Variants in TBC1D4 observed in about 807,000 individuals in gnomAD.
TBC1D4 encodes the protein TBC1 domain family member 4, also known as TBC (Tre-2, BUB2, CDC16) domain-containing protein.
TBC1D4 carries 121 observed loss-of-function variants against 142.5 expected under a neutral mutation model. That is an observed-to-expected ratio of 0.85 (90% CI 0.73 to 0.99). The LOEUF (loss-of-function observed/expected upper bound fraction) is 0.99. Ranked by LOEUF, TBC1D4 falls within the 50% of genes least tolerant of loss-of-function variation. The pLI, the probability that TBC1D4 is intolerant of heterozygous loss-of-function variation, is 0.00. For synonymous variants in TBC1D4, 630 were observed against 628.2 expected (o/e 1.00, Z -0.04); for missense variants, 1,475 against 1,606.6 (o/e 0.92, Z 1.40).
intron 10 of TBC1D4, 107 bp from the exon 11 acceptor site, chr13:75,324,508 C>T (rs1879056939): frequency 1.4e-5 from 19 of 1,338,050 alleles, no homozygotes; most frequent in Non-Finnish European, 2.0e-5. Flanking sequence ...TTTAATCTTT[C>T]CTTTCAAGGC....
chr13:75,450,946 AG>A (rs762854926), intron 1 of TBC1D4, among the ~76,000 whole-genome samples: 6 of 152,226 alleles, frequency 3.9e-5, no homozygotes, highest in Non-Finnish European at 8.8e-5. Context: ...TCCTATCAAT[AG>A]GAAGAGTCCA....
chr13:75,303,441 T>A (rs1031353914), intron 15 of TBC1D4, among the ~76,000 whole-genome samples: 2 of 152,234 alleles, frequency 1.3e-5, no homozygotes, highest in Non-Finnish European at 2.9e-5. Flanking sequence ...TCTAGTATGC[T>A]TGAACACCAA....
intron 1 of TBC1D4, among the ~76,000 whole-genome samples, chr13:75,412,466 T>TTTTTTTA (rs1885718860): frequency 6.6e-6 from 1 of 151,854 alleles, no homozygotes; most frequent in African/African-American, 2.4e-5. Flanking sequence ...ACACGGTTAT[T>TTTTTTTA]TTTTTTATTT....
intron 1 of TBC1D4, among the ~76,000 whole-genome samples, chr13:75,437,661 T>C (rs1886857903): frequency 6.6e-6 from 1 of 152,098 alleles, no homozygotes; most frequent in South Asian, 2.1e-4. Flanking sequence ...GATATACAGT[T>C]TTTCAGATTT....
chr13:75,345,408 AG>A (rs1431889426), intron 5 of TBC1D4, among the ~76,000 whole-genome samples: 1 of 152,202 alleles, frequency 6.6e-6, no homozygotes, highest in Non-Finnish European at 1.5e-5. Context: ...AAATCCTATC[AG>A]AGAGTGTGAT....
intron 5 of TBC1D4, among the ~76,000 whole-genome samples, chr13:75,347,980 T>A (rs1393223092): frequency 6.6e-6 from 1 of 151,964 alleles, no homozygotes; most frequent in Non-Finnish European, 1.5e-5. Flanking sequence ...TACAAAAAAT[T>A]TTTTAAAAAA....
intron 7 of TBC1D4, 44 bp downstream of exon 7, chr13:75,341,077 ATTAT>A (rs759752399): frequency 6.4e-7 from 1 of 1,559,586 alleles, no homozygotes; most frequent in Non-Finnish European, 8.8e-7. Flanking sequence ...AATTAACAAA[ATTAT>A]TAAACAACAA....
intron 1 of TBC1D4, among the ~76,000 whole-genome samples, chr13:75,441,762 A>C (rs1324948436): frequency 6.6e-6 from 1 of 152,208 alleles, no homozygotes; most frequent in African/African-American, 2.4e-5. Context: ...AGCCTTCCCC[A>C]GTCCTGCCAG....
chr13:75,351,148 C>T (rs1369354147), intron 4 of TBC1D4, among the ~76,000 whole-genome samples: 2 of 152,094 alleles, frequency 1.3e-5, no homozygotes, highest in Non-Finnish European at 2.9e-5. Context: ...CAGCAAAAAA[C>T]ATAAGATAGG....
chr13:75,313,382 C>T (rs547182145), intron 12 of TBC1D4, among the ~76,000 whole-genome samples: 1 of 152,310 alleles, frequency 6.6e-6, no homozygotes, highest in South Asian at 2.1e-4. Flanking sequence ...CAGCTACCAA[C>T]AGTTGAATCA....
chr13:75,294,030 G>A (rs1035331866), intron 18 of TBC1D4, among the ~76,000 whole-genome samples: 1 of 152,154 alleles, frequency 6.6e-6, no homozygotes, highest in Non-Finnish European at 1.5e-5. Context: ...TAAAAATTAA[G>A]GGAGCCCTTT....
At position 75,481,710 on chromosome 13, in the gene TBC1D4, G is replaced by A. The variant is rs759756870; in HGVS notation, c.58C>T (p.Pro20Ser). Reference protein sequence around the residue: ...EPFPHPLEPEPGVSAQPGPGK... With the variant: ...EPFPHPLEPESGVSAQPGPGK... Reference sequence around the variant, plus strand: ...GGGCCGGGCTGAGCTGAGACGCCCGGCTCGGGCTCCAGGGGGTGCGGGAAC... The same window carrying A: ...GGGCCGGGCTGAGCTGAGACGCCCGACTCGGGCTCCAGGGGGTGCGGGAAC... Residue 20 changes from proline (P) to serine (S), a missense_variant, in exon 1 of 21, where the codon CCG becomes TCG. Physicochemically the swap from Pro to Ser is moderately conservative, Grantham distance 74 (BLOSUM62 -1). This residue lies in a region of TBC1D4 where 1,227 missense variants were observed against 1,267.7 expected (regional missense o/e 0.97). Transcript: ENST00000377636. 1.9e-6 allele frequency: 3 copies of A among 1,596,204 alleles called. No homozygotes were observed. The highest frequency in any genetic ancestry group is 1.8e-5 in the Admixed American group (1 of 56,640).
intron 12 of TBC1D4, among the ~76,000 whole-genome samples, chr13:75,315,902 AC>A (rs1460618230): frequency 6.6e-6 from 1 of 152,204 alleles, no homozygotes; most frequent in Non-Finnish European, 1.5e-5. Flanking sequence ...TTAATAAACA[AC>A]AAAAAGCATA....
chr13:75,424,719 G>A (rs1292300859), intron 1 of TBC1D4, among the ~76,000 whole-genome samples: 1 of 152,116 alleles, frequency 6.6e-6, no homozygotes, highest in Non-Finnish European at 1.5e-5. Flanking sequence ...CCACACTTAT[G>A]GTCAGTTAAT....
intron 8 of TBC1D4, among the ~76,000 whole-genome samples, chr13:75,329,627 C>A (rs533117557): frequency 6.6e-6 from 1 of 152,262 alleles, no homozygotes; most frequent in South Asian, 2.1e-4. Context: ...GGTCCCATGT[C>A]TTCTCCTTTT....
At chr13:75,352,616 GAA>G (rs1881691142) in intron 4 of TBC1D4, among the ~76,000 whole-genome samples, 1 of 152,092 alleles carries the variant, frequency 6.6e-6, no homozygotes, top group South Asian at 2.1e-4. Context: ...AAGAAAGAAA[GAA>G]AAGAGAGGGA....
chr13:75,313,181 T>C (rs1877956642), intron 12 of TBC1D4, among the ~76,000 whole-genome samples: 1 of 152,200 alleles, frequency 6.6e-6, no homozygotes, highest in Non-Finnish European at 1.5e-5. Flanking sequence ...GAAGCACTTA[T>C]AAGGAGGAGT....
In TBC1D4 at chr13:75,481,158, G is replaced by T. The variant is rs1484013532; in HGVS notation, c.498+112C>A. Reference sequence around the variant, plus strand: ...TGAGCGCGCCACGTGGAGCGCGCGCGCCTGCAGCCAAACCTCAGTCGGTCC... The same window carrying T: ...TGAGCGCGCCACGTGGAGCGCGCGCTCCTGCAGCCAAACCTCAGTCGGTCC... On this transcript the variant is annotated intron_variant, in intron 1 of 20. Coordinates refer to ENST00000377636, the MANE Select transcript of TBC1D4 (RefSeq NM_014832.5). 6 of 1,432,450 alleles carry T rather than the reference G, an allele frequency of 4.2e-6. No homozygotes were observed. In the East Asian group the frequency reaches 1.0e-4, roughly 24 times the overall value. 88.7% of individuals were successfully genotyped at this position (1,432,450 alleles called of 1,614,324 possible).
intron 1 of TBC1D4, among the ~76,000 whole-genome samples, chr13:75,450,385 A>T (rs1395324596): frequency 6.6e-6 from 1 of 152,106 alleles, no homozygotes; most frequent in Non-Finnish European, 1.5e-5. Flanking sequence ...TTATACTTTC[A>T]AAAAAAGCCC....
Sources: allele counts gnomAD v4.1 joint callset (sites outside exome capture counted in the v4.1 genomes callset), GRCh38; gene constraint gnomAD v4.1.1; regional missense constraint gnomAD v4.1.1; transcripts MANE v1.5; gene names NCBI Gene and HGNC (gene_info 2026-07-23, HGNC 2026-07-21).